Variants in VPS41 observed in about 807,000 individuals in gnomAD.
VPS41 encodes the protein VPS41 subunit of HOPS complex, also known as vacuolar protein sorting-associated protein 41 homolog.
VPS41 carries 85 observed loss-of-function variants against 130.9 expected under a neutral mutation model. The observed-to-expected ratio is 0.65, with a 90% CI of 0.55 to 0.78. The LOEUF is 0.78. VPS41 is among the 30% of genes least tolerant of loss of function. The pLI, the probability that VPS41 is intolerant of heterozygous loss-of-function variation, is 0.00. For synonymous variants in VPS41, 335 were observed against 332.9 expected, an observed-to-expected ratio of 1.01 and a Z score of -0.07; for missense variants, 874 against 1,018.7, an observed-to-expected ratio of 0.86 and a Z score of 1.93.
chr7:38,881,840 C>T (rs1439215211), intron 2 of VPS41, among the ~76,000 whole-genome samples: 1 of 152,108 alleles, frequency 6.6e-6, no homozygotes, highest in Non-Finnish European at 1.5e-5. Context: ...TGACGAGCAG[C>T]TCTACTAGAT....
At chr7:38,908,618 T>C (rs994215945) in intron 1 of VPS41, among the ~76,000 whole-genome samples, 2 of 152,190 alleles carry the variant, frequency 1.3e-5, no homozygotes, top group Admixed American at 6.5e-5. Context: ...AAGTAGCACA[T>C]TGGGTAAGAA....
intron 3 of VPS41, among the ~76,000 whole-genome samples, chr7:38,868,869 G>A (rs1039522843): frequency 2.0e-5 from 3 of 152,140 alleles, no homozygotes; most frequent in African/African-American, 7.2e-5. Flanking sequence ...TTAAGTGAGC[G>A]ACAGAGTTGC....
chr7:38,855,200 C>T (rs1233796262), intron 4 of VPS41, among the ~76,000 whole-genome samples: 2 of 114,430 alleles, frequency 1.7e-5, no homozygotes, highest in Admixed American at 1.0e-4. Context: ...CAGAGTGAGA[C>T]TCCCTCTCAA....
chr7:38,776,652 C>T, intron 11 of VPS41, 27 bp downstream of exon 11: 1 of 1,353,680 alleles, frequency 7.4e-7, no homozygotes, highest in Non-Finnish European at 1.1e-6. Flanking sequence ...CCCCACATGC[C>T]TTTGTATCTG....
chr7:38,900,077 A>C (rs1416837540), intron 1 of VPS41, among the ~76,000 whole-genome samples: 1 of 152,014 alleles, frequency 6.6e-6, no homozygotes, highest in African/African-American at 2.4e-5. Flanking sequence ...GTGAAACCTC[A>C]TCTCTAGAAA....
At chr7:38,903,793 A>G (rs890443677) in intron 1 of VPS41, among the ~76,000 whole-genome samples, 5 of 151,982 alleles carry the variant, frequency 3.3e-5, no homozygotes, top group Non-Finnish European at 7.4e-5. Context: ...AGCTTTAGAC[A>G]CTCAGGGACT....
At chr7:38,813,409 T>C (rs1562595629) in intron 7 of VPS41, among the ~76,000 whole-genome samples, 1 of 152,138 alleles carries the variant, frequency 6.6e-6, no homozygotes, top group Admixed American at 6.5e-5. Flanking sequence ...GCAAGGTTTC[T>C]TTTTGGGGTG....
intron 18 of VPS41, among the ~76,000 whole-genome samples, 183 bp downstream of exon 18, chr7:38,758,171 G>A (rs1246827469): frequency 6.6e-6 from 1 of 152,124 alleles, no homozygotes; most frequent in South Asian, 2.1e-4. Flanking sequence ...CATTGCAATT[G>A]TACAGTTTCA....
intron 25 of VPS41, among the ~76,000 whole-genome samples, chr7:38,734,620 A>T (rs1219166607): frequency 2.6e-5 from 4 of 152,222 alleles, no homozygotes; most frequent in African/African-American, 9.6e-5. Flanking sequence ...AGACCCACAG[A>T]GATTTTATAA....
In VPS41 at chr7:38,742,015, C is replaced by T. The variant is rs778205593; in HGVS notation, c.2229G>A (p.Leu743=). Residue 743 remains leucine, a synonymous_variant, in exon 25 of 29, where the codon TTG becomes TTA. Coordinates refer to ENST00000310301, the MANE Select transcript of VPS41 (RefSeq NM_014396.4). The stretch of plus-strand genomic sequence containing the variant: ...AATTGTAGTCTTGCAGAATTTTAAC[C>T]AAGGAATCTCTCAAATTGGGGATCT... ...GMEIPNLRDS[L]VKILQDYNLQ... 6.2e-7 allele frequency: 1 copy of T among 1,612,980 alleles called. No homozygotes were observed. The highest frequency in any genetic ancestry group is 8.5e-7 in the Non-Finnish European group (1 of 1,179,620).
chr7:38,771,998 T>G (rs989412503), intron 13 of VPS41, among the ~76,000 whole-genome samples: 3 of 150,154 alleles, frequency 2.0e-5, no homozygotes, highest in African/African-American at 7.6e-5. Flanking sequence ...TATAAGCCCA[T>G]CTAAGAACGT....
chr7:38,849,960 T>C (rs1009176889), intron 4 of VPS41, among the ~76,000 whole-genome samples: 24 of 152,196 alleles, frequency 1.6e-4, no homozygotes, highest in African/African-American at 5.5e-4. Context: ...AATACAATTT[T>C]CCCTTAGAAG....
intron 1 of VPS41, 58 bp from the exon 2 acceptor site, chr7:38,898,187 C>T: frequency 6.7e-7 from 1 of 1,485,926 alleles, no homozygotes; most frequent in Non-Finnish European, 9.4e-7. Context: ...TAATCATTTG[C>T]AAGGGGAAAG....
In VPS41 at chr7:38,743,301, T is replaced by C. The variant is rs1378428115; in HGVS notation, c.2122+101A>G. On this transcript the variant is annotated intron_variant, in intron 24 of 28. Coordinates refer to ENST00000310301, the MANE Select transcript of VPS41 (RefSeq NM_014396.4). ...TATTTTTATTGTAGGTACGCTACCA[T>C]TTTCTTAACCCAATGTATCTTGAAA... 26 of 1,396,946 alleles carry C rather than the reference T, an allele frequency of 1.9e-5. 2 individuals are homozygous for C. In the Admixed American group the frequency reaches 4.8e-4, roughly 26 times the overall value. 86.5% of individuals were successfully genotyped at this position (1,396,946 alleles called of 1,614,324 possible).
chr7:38,754,727 T>C lies in VPS41; in HGVS notation c.1763A>G (p.Glu588Gly). Residue 588 changes from glutamate (E) to glycine (G), a missense_variant, in exon 21 of 29, where the codon GAA becomes GGA. Coordinates refer to ENST00000310301, the MANE Select transcript of VPS41 (RefSeq NM_014396.4). ...CACATGCTGTAGCTCTGGTCTGTCT[T>C]CCAATTCTTCCACTACCTTTTTAAT... ...ISIKKVVEEL[E>G]DRPELQHVYL... is the part of the protein sequence containing the mutation. 2.5e-6 allele frequency: 4 copies of C among 1,613,608 alleles called. No homozygotes were observed. Among genetic ancestry groups the C allele is most frequent in the Non-Finnish European group, 3.4e-6 (4 of 1,179,732 alleles).
chr7:38,802,820 A>G (rs1237411182), intron 7 of VPS41, among the ~76,000 whole-genome samples: 2 of 152,234 alleles, frequency 1.3e-5, no homozygotes, highest in African/African-American at 4.8e-5. Context: ...AGCCATTGAA[A>G]AAAACTACGC....
In VPS41 at chr7:38,727,740, T is replaced by C. The variant is rs11976445; in HGVS notation, c.2405-752A>G. ...CATGAAATAATCCTTTAATCCTAAG[T>C]AAACATGAGGTCAACTAGGTCTTTT... is the stretch of plus-strand genomic sequence containing the variant. On this transcript the variant is annotated intron_variant, in intron 27 of 28. Coordinates refer to ENST00000310301, the MANE Select transcript of VPS41 (RefSeq NM_014396.4). 6.8e-3 allele frequency among the ~76,000 whole-genome samples: 1,041 copies of C among 152,332 alleles called. 10 individuals carry two copies. The highest frequency in any genetic ancestry group is 0.023 in the African/African-American group (954 of 41,576).
Position 38,726,017 on chromosome 7 carries a change from C to A in VPS41, c.*229G>T. 2.1e-6 allele frequency: 1 copy of A among 475,354 alleles called. No homozygotes were observed. Among genetic ancestry groups the A allele is most frequent in the East Asian group, 3.4e-5 (1 of 29,378 alleles). The allele number at this position is 475,354 out of a possible 1,614,324, so 29.4% of individuals were successfully genotyped here. ...AAGAATGAGCCAAACAAATAAATAA[C>A]AAAATATTCACTATGGACCCCAAAA... On this transcript the variant is annotated 3_prime_UTR_variant, in exon 29 of 29. Transcript: ENST00000310301.
chr7:38,765,418 G>A lies in VPS41; in HGVS notation c.1329+162C>T, dbSNP rs563895046. On this transcript the variant is annotated intron_variant, in intron 16 of 28. Coordinates refer to ENST00000310301, the MANE Select transcript of VPS41 (RefSeq NM_014396.4). Reference sequence around the variant, plus strand: ...TAATCTTATATATTTTTTTTTACACGAGGCTTATATTTTGAAACTGTCTCT... The same window carrying A: ...TAATCTTATATATTTTTTTTTACACAAGGCTTATATTTTGAAACTGTCTCT... Among the ~76,000 whole-genome samples the A allele has an allele frequency of 3.3e-5, 5 of 151,398 alleles. No homozygotes were observed. In the South Asian group the frequency reaches 6.2e-4, roughly 19 times the overall value.
Sources: gnomAD v4.1 joint callset for allele counts (sites outside exome capture counted in the v4.1 genomes callset) on GRCh38, gnomAD v4.1.1 for gene constraint, MANE v1.5 for transcripts, NCBI Gene and HGNC (gene_info 2026-07-23, HGNC 2026-07-21) for gene names.